The following TYW1B variants were observed in gnomAD, a reference collection of about 807,000 sequenced individuals.
TYW1B encodes tRNA-yW synthesizing protein 1 homolog B, also known as S-adenosyl-L-methionine-dependent tRNA 4-demethylwyosine synthase TYW1B.
In TYW1B, 73 loss-of-function variants were observed where a neutral mutation model predicts 86.9. The observed-to-expected ratio is 0.84, with a 90% CI of 0.70 to 1.02. TYW1B has a LOEUF of 1.02. TYW1B is among the 50% of genes least tolerant of loss of function. The pLI is 0.00. For missense variants in TYW1B, 637 were observed against 827.4 expected (o/e 0.77, Z 2.82); for synonymous variants, 248 against 292.8 (o/e 0.85, Z 1.56).
At chr7:72,824,512 G>A (rs1264096255) in intron 2 of TYW1B, among the ~76,000 whole-genome samples, 22 of 152,074 alleles carry the variant, frequency 1.4e-4, no homozygotes, top group Admixed American at 2.6e-4. Flanking sequence ...AGGCTGAGGC[G>A]GGTGACTCAT....
rs781810193 is a variant in TYW1B, at chr7:72,616,654, T to C, written c.1785+18A>G. Reference sequence around the variant, plus strand: ...CAGGGTCAGGGAACAGAAGATTCCATGTTTGAGTTATTCTTACCTTTCTGT... The same window carrying C: ...CAGGGTCAGGGAACAGAAGATTCCACGTTTGAGTTATTCTTACCTTTCTGT... On this transcript the variant is annotated intron_variant, in intron 13 of 13. Coordinates refer to ENST00000620995, the MANE Select transcript of TYW1B (RefSeq NM_001145440.3). 1.1e-5 allele frequency: 18 copies of C among 1,613,852 alleles called. No homozygotes were observed. Among genetic ancestry groups the C allele is most frequent in the Middle Eastern group, 3.3e-4 (2 of 6,080 alleles).
intron 10 of TYW1B, among the ~76,000 whole-genome samples, chr7:72,696,713 G>A (rs1563062428): frequency 6.6e-6 from 1 of 152,036 alleles, no homozygotes. Flanking sequence ...GCAATGATGT[G>A]GCTTAGTGAT....
Position 72,757,240 on chromosome 7 carries a change from C to T in TYW1B, c.965-12639G>A, listed in dbSNP as rs184194622. The stretch of plus-strand genomic sequence containing the variant: ...AAAATTAGCCAGGCGTGGTAGCGCG[C>T]GCCTGTAATCCCAGCTACTCAGGAG... On this transcript the variant is annotated intron_variant, in intron 7 of 13. Transcript: ENST00000620995. Among the ~76,000 whole-genome samples the T allele has an allele frequency of 3.2e-3, 489 of 151,864 alleles. 3 individuals are homozygous for T. Among genetic ancestry groups the T allele is most frequent in the African/African-American group, 0.011 (450 of 41,426 alleles).
chr7:72,733,424 C>T (rs1475342677), intron 8 of TYW1B, among the ~76,000 whole-genome samples: 3 of 152,260 alleles, frequency 2.0e-5, no homozygotes, highest in Admixed American at 6.5e-5. Flanking sequence ...CTTTCGGAGG[C>T]CAAGGCGGGC....
intron 8 of TYW1B, among the ~76,000 whole-genome samples, chr7:72,732,293 C>A (rs1585938668): frequency 6.6e-6 from 1 of 152,170 alleles, no homozygotes; most frequent in East Asian, 1.9e-4. Context: ...CTAACAGACA[C>A]TGACAAAATA....
intron 7 of TYW1B, among the ~76,000 whole-genome samples, chr7:72,770,495 C>A (rs1167352777): frequency 6.7e-6 from 1 of 149,688 alleles, no homozygotes; most frequent in East Asian, 1.9e-4. Flanking sequence ...CATTTCACAA[C>A]CATAAAAATG....
chr7:72,712,747 T>G (rs1381577975), intron 10 of TYW1B, among the ~76,000 whole-genome samples: 1 of 152,188 alleles, frequency 6.6e-6, no homozygotes, highest in Non-Finnish European at 1.5e-5. Flanking sequence ...GTCTCCCCAA[T>G]TGCATACCAT....
intron 10 of TYW1B, among the ~76,000 whole-genome samples, chr7:72,703,026 ATT>A (rs1166122885): frequency 5.7e-4 from 20 of 35,188 alleles, no homozygotes; most frequent in Non-Finnish European, 8.7e-4. Flanking sequence ...ATATATATAT[ATT>A]TTTTTTTTTT....
At chr7:72,824,973 T>G (rs1788901146) in intron 2 of TYW1B, among the ~76,000 whole-genome samples, 1 of 150,676 alleles carries the variant, frequency 6.6e-6, no homozygotes, top group Admixed American at 6.6e-5. Context: ...TATGGTGGCA[T>G]GCACCTATAG....
chr7:72,674,364 G>C (rs1386026456), intron 11 of TYW1B, among the ~76,000 whole-genome samples: 2 of 152,078 alleles, frequency 1.3e-5, no homozygotes, highest in Non-Finnish European at 2.9e-5. Flanking sequence ...CAGTGGCTGT[G>C]ATGTCTCCTT....
At chr7:72,596,179 CAAAAAAAA>C (rs58325295) in intron 13 of TYW1B, among the ~76,000 whole-genome samples, 1 of 56,378 alleles carries the variant, frequency 1.8e-5, no homozygotes, top group Non-Finnish European at 3.3e-5. Context: ...AACTCTGTCT[CAAAAAAAA>C]AAAAAAAAAA....
At chr7:72,824,841 C>T (rs576373233) in intron 2 of TYW1B, among the ~76,000 whole-genome samples, 1 of 152,016 alleles carries the variant, frequency 6.6e-6, no homozygotes, top group Non-Finnish European at 1.5e-5. Context: ...CGGTGGCTCA[C>T]GACTGTAATC....
intron 6 of TYW1B, among the ~76,000 whole-genome samples, chr7:72,797,342 A>T (rs1309569651): frequency 6.6e-6 from 1 of 151,998 alleles, no homozygotes. Flanking sequence ...ACCAATAAAA[A>T]CCCTGGACAC....
intron 11 of TYW1B, among the ~76,000 whole-genome samples, chr7:72,670,353 A>G (rs1278708379): frequency 6.6e-6 from 1 of 152,098 alleles, no homozygotes; most frequent in Non-Finnish European, 1.5e-5. Context: ...CACCACGCCC[A>G]ACTAATTCTG....
chr7:72,782,226 C>T (rs1450089501), intron 6 of TYW1B, among the ~76,000 whole-genome samples: 1 of 152,028 alleles, frequency 6.6e-6, no homozygotes, highest in Non-Finnish European at 1.5e-5. Context: ...GAGTTCAAGG[C>T]TGTGGTGAGC....
chr7:72,619,647 CAAAAAAA>C, intron 12 of TYW1B, among the ~76,000 whole-genome samples: 1 of 68,780 alleles, frequency 1.5e-5, no homozygotes, highest in South Asian at 4.7e-4. Context: ...GACTCCGTCT[CAAAAAAA>C]AAAAAAAAAA....
At chr7:72,587,538 G>A (rs1209802058) in intron 13 of TYW1B, among the ~76,000 whole-genome samples, 5 of 152,124 alleles carry the variant, frequency 3.3e-5, no homozygotes, top group South Asian at 2.1e-4. Context: ...GTCAGTTCCT[G>A]GGTGGTGGCC....
intron 7 of TYW1B, among the ~76,000 whole-genome samples, chr7:72,751,718 G>A (rs1787503653): frequency 6.6e-6 from 1 of 152,164 alleles, no homozygotes; most frequent in South Asian, 2.1e-4. Flanking sequence ...TTGTGTCCTA[G>A]ACATTCTGTC....
At chr7:72,606,372 G>A (rs1332068101) in intron 13 of TYW1B, among the ~76,000 whole-genome samples, 1 of 152,136 alleles carries the variant, frequency 6.6e-6, no homozygotes, top group African/African-American at 2.4e-5. Flanking sequence ...ACCTTCACCT[G>A]GTTATAACGA....
Sources: allele counts gnomAD v4.1 joint callset (sites outside exome capture counted in the v4.1 genomes callset), GRCh38; gene constraint gnomAD v4.1.1; transcripts MANE v1.5; gene names NCBI Gene and HGNC (gene_info 2026-07-23, HGNC 2026-07-21).